The following KCNK1 variants were observed in gnomAD, a reference collection of about 807,000 sequenced individuals.
KCNK1 encodes potassium channel subfamily K member 1.
KCNK1 carries 10 observed loss-of-function variants against 22.2 expected under a neutral mutation model. The ratio of observed to expected loss-of-function variants is 0.45; its 90% CI spans 0.28 to 0.76. The LOEUF (loss-of-function observed/expected upper bound fraction) is 0.76, where lower values mean the gene tolerates loss of function less well. Among genes scored for constraint, KCNK1 ranks in the 30% least tolerant of loss-of-function variants. The probability of loss-of-function intolerance (pLI) is 0.14; values close to 1 mark genes in which losing one functional copy is unlikely to be tolerated. For missense variants in KCNK1, 378 were observed against 421.0 expected (o/e 0.90, Z 0.89); for synonymous variants, 200 against 186.4 (o/e 1.07, Z -0.60).
intron 1 of KCNK1, among the ~76,000 whole-genome samples, chr1:233,619,085 G>A (rs920156012): frequency 3.9e-5 from 6 of 152,136 alleles, no homozygotes; most frequent in East Asian, 1.9e-4. Context: ...TGACACTATC[G>A]TGGGTCACTT....
At chr1:233,652,061 T>G (rs1658210405) in intron 1 of KCNK1, among the ~76,000 whole-genome samples, 1 of 152,094 alleles carries the variant, frequency 6.6e-6, no homozygotes, top group South Asian at 2.1e-4. Context: ...GAGGCCACCA[T>G]GAGTTAAAAG....
At chr1:233,670,440 A>G (rs1658577240) in intron 2 of KCNK1, among the ~76,000 whole-genome samples, 1 of 152,188 alleles carries the variant, frequency 6.6e-6, no homozygotes, top group Admixed American at 6.5e-5. Context: ...ATAAAGACAT[A>G]CCCGAGACTG....
At chr1:233,644,070 T>G (rs1172523381) in intron 1 of KCNK1, among the ~76,000 whole-genome samples, 1 of 152,178 alleles carries the variant, frequency 6.6e-6, no homozygotes, top group African/African-American at 2.4e-5. Context: ...AGAAATTTAT[T>G]TCTCAAAGTT....
rs1000407565 is a variant in KCNK1 at position 233,659,417 on chromosome 1, T to A, written c.356-7178T>A. Among the ~76,000 whole-genome samples the A allele has an allele frequency of 3.3e-5, 5 of 149,892 alleles. No homozygotes were observed. In the South Asian group the frequency reaches 6.4e-4, roughly 19 times the overall value. The stretch of plus-strand genomic sequence containing the variant: ...GCTGGTTTACATTTGACATTTTTTT[T>A]ATTTTAAATATTTTTTATTAAAAAA... On this transcript the variant is annotated intron_variant, in intron 1 of 2. Coordinates refer to ENST00000366621, the MANE Select transcript of KCNK1 (RefSeq NM_002245.4).
intron 1 of KCNK1, 122 bp downstream of exon 1, chr1:233,614,648 G>A (rs1571885806): frequency 3.2e-6 from 2 of 622,876 alleles, no homozygotes; most frequent in Non-Finnish European, 4.8e-6. Context: ...TCGCCATCCC[G>A]GCTCCTCCAG....
chr1:233,623,787 C>T (rs1022284875), intron 1 of KCNK1, among the ~76,000 whole-genome samples: 1 of 152,028 alleles, frequency 6.6e-6, no homozygotes, highest in African/African-American at 2.4e-5. Flanking sequence ...CAGGGTTTTG[C>T]CATGTTGGTT....
intron 1 of KCNK1, among the ~76,000 whole-genome samples, chr1:233,615,233 T>C (rs759334364): frequency 5.9e-5 from 9 of 152,228 alleles, no homozygotes; most frequent in Non-Finnish European, 1.3e-4. Flanking sequence ...GCCTAAGATC[T>C]GACTTAATTG....
intron 1 of KCNK1, among the ~76,000 whole-genome samples, chr1:233,652,574 A>G (rs1032298184): frequency 6.6e-6 from 1 of 152,146 alleles, no homozygotes; most frequent in African/African-American, 2.4e-5. Flanking sequence ...TTTTCATTGG[A>G]ATGCTCTTCA....
chr1:233,615,961 A>T (rs1657482275), intron 1 of KCNK1, among the ~76,000 whole-genome samples: 1 of 152,210 alleles, frequency 6.6e-6, no homozygotes, highest in African/African-American at 2.4e-5. Flanking sequence ...TGTTAAATGT[A>T]GCGCTAGACA....
intron 1 of KCNK1, among the ~76,000 whole-genome samples, chr1:233,642,276 TC>T (rs989510351): frequency 7.2e-5 from 11 of 152,146 alleles, no homozygotes; most frequent in African/African-American, 2.7e-4. Flanking sequence ...AAACAAAGAT[TC>T]CCCCAAACCA....
chr1:233,619,782 C>T (rs1657546293), intron 1 of KCNK1, among the ~76,000 whole-genome samples: 1 of 152,002 alleles, frequency 6.6e-6, no homozygotes, highest in Non-Finnish European at 1.5e-5. Context: ...TGGTGGTGCA[C>T]ACCTGTAATC....
At chr1:233,638,621 T>C (rs914836538) in intron 1 of KCNK1, among the ~76,000 whole-genome samples, 2 of 152,114 alleles carry the variant, frequency 1.3e-5, no homozygotes, top group African/African-American at 4.8e-5. Flanking sequence ...CCTCAGGGCC[T>C]CCCCTTGAGG....
intron 1 of KCNK1, among the ~76,000 whole-genome samples, chr1:233,630,971 A>G (rs1324072381): frequency 6.6e-6 from 1 of 152,250 alleles, no homozygotes; most frequent in Non-Finnish European, 1.5e-5. Flanking sequence ...AGAGCACCAT[A>G]GAAACTTGAT....
chr1:233,635,531 A>G (rs1374427973), intron 1 of KCNK1, among the ~76,000 whole-genome samples: 1 of 152,214 alleles, frequency 6.6e-6, no homozygotes, highest in Non-Finnish European at 1.5e-5. Context: ...TTTTATTTCA[A>G]ATTATAATAC....
intron 1 of KCNK1, among the ~76,000 whole-genome samples, chr1:233,643,061 G>A (rs555768017): frequency 2.8e-4 from 43 of 151,638 alleles, no homozygotes; most frequent in Admixed American, 1.4e-3. Context: ...GTATACAGGC[G>A]TGAGCTGCTG....
At chr1:233,618,812 A>AGGCG (rs1301624329) in intron 1 of KCNK1, among the ~76,000 whole-genome samples, 1 of 152,092 alleles carries the variant, frequency 6.6e-6, no homozygotes, top group Non-Finnish European at 1.5e-5. Flanking sequence ...TGAACCCGGG[A>AGGCG]GGCGGAGGTT....
At chr1:233,665,852 G>T (rs1344569209) in intron 1 of KCNK1, among the ~76,000 whole-genome samples, 1 of 152,240 alleles carries the variant, frequency 6.6e-6, no homozygotes, top group Non-Finnish European at 1.5e-5. Flanking sequence ...CCCTTATCTG[G>T]TTGGATGCAG....
intron 2 of KCNK1, among the ~76,000 whole-genome samples, chr1:233,669,571 G>A (rs1489339990): frequency 6.6e-6 from 1 of 152,156 alleles, no homozygotes; most frequent in Non-Finnish European, 1.5e-5. Flanking sequence ...AAGGAGGCTG[G>A]GCACGGTGGC....
At chr1:233,620,100 C>G (rs770991909) in intron 1 of KCNK1, among the ~76,000 whole-genome samples, 19 of 152,282 alleles carry the variant, frequency 1.2e-4, no homozygotes, top group Non-Finnish European at 2.8e-4. Context: ...CTGACACAGT[C>G]AAGTTTTATG....
Sources: gnomAD v4.1 joint callset for allele counts (sites outside exome capture counted in the v4.1 genomes callset) on GRCh38, gnomAD v4.1.1 for gene constraint, MANE v1.5 for transcripts, NCBI Gene and HGNC (gene_info 2026-07-23, HGNC 2026-07-21) for gene names.